The following PDE8B variants were observed in gnomAD, a reference collection of about 807,000 sequenced individuals.
PDE8B encodes the protein high affinity cAMP-specific and IBMX-insensitive 3',5'-cyclic phosphodiesterase 8B.
In PDE8B, 26 loss-of-function variants were observed where a neutral mutation model predicts 101.3. That is an observed-to-expected ratio of 0.26 (90% CI 0.19 to 0.36). The LOEUF is 0.36. Among genes scored for constraint, PDE8B ranks in the 10% least tolerant of loss-of-function variants. The pLI is 1.00. For synonymous variants in PDE8B, 424 were observed against 429.3 expected (o/e 0.99, Z 0.15); for missense variants, 810 against 1,163.1 (o/e 0.70, Z 4.42).
intron 17 of PDE8B, among the ~76,000 whole-genome samples, chr5:77,414,769 G>A (rs1174524849): frequency 2.6e-5 from 4 of 152,182 alleles, no homozygotes; most frequent in African/African-American, 9.6e-5. Flanking sequence ...TTTCACAGCT[G>A]AAGCCACATG....
At chr5:77,392,267 G>A (rs991154504) in intron 10 of PDE8B, among the ~76,000 whole-genome samples, 4 of 152,170 alleles carry the variant, frequency 2.6e-5, no homozygotes, top group Admixed American at 2.6e-4. Flanking sequence ...GCAGCGGACA[G>A]GCCTATGCAG....
At chr5:77,388,542 A>G (rs1361756295) in intron 10 of PDE8B, among the ~76,000 whole-genome samples, 3 of 152,176 alleles carry the variant, frequency 2.0e-5, no homozygotes, top group Non-Finnish European at 4.4e-5. Flanking sequence ...GTCAGGATAC[A>G]TGGGGGTCAG....
At chr5:77,409,150 G>A (rs1794057813) in intron 14 of PDE8B, 93 bp downstream of exon 14, 4 of 1,058,886 alleles carry the variant, frequency 3.8e-6, no homozygotes, top group African/African-American at 1.6e-5. Flanking sequence ...GGTTGCAGAA[G>A]TACCTGTTAT....
intron 1 of PDE8B, among the ~76,000 whole-genome samples, chr5:77,281,961 G>A (rs190249770): frequency 6.6e-6 from 1 of 152,252 alleles, no homozygotes; most frequent in Non-Finnish European, 1.5e-5. Context: ...GGTGTTGGTG[G>A]CAGCTAATAC....
the PDE8B span, chr5:77,114,666 A>G: frequency 1.3e-5 from 2 of 152,408 alleles, no homozygotes; most frequent in South Asian, 2.1e-4. Flanking sequence ...TATATTAAAA[A>G]AAAAGATTTA....
intron 10 of PDE8B, among the ~76,000 whole-genome samples, chr5:77,370,435 T>C (rs1371842155): frequency 6.6e-6 from 1 of 152,244 alleles, no homozygotes; most frequent in East Asian, 1.9e-4. Context: ...GTGGAAGGCT[T>C]CTTTCAGTCA....
At chr5:77,390,733 T>C (rs1378924412) in intron 10 of PDE8B, among the ~76,000 whole-genome samples, 1 of 152,222 alleles carries the variant, frequency 6.6e-6, no homozygotes, top group African/African-American at 2.4e-5. Context: ...GGTGTTTCCT[T>C]GACCCCAGTT....
At chr5:77,380,049 A>G (rs1787156843) in intron 10 of PDE8B, among the ~76,000 whole-genome samples, 1 of 152,258 alleles carries the variant, frequency 6.6e-6, no homozygotes, top group African/African-American at 2.4e-5. Flanking sequence ...GTTTAAAGCT[A>G]CAGTGATTAT....
intron 20 of PDE8B, 53 bp from the exon 21 acceptor site, chr5:77,425,714 T>C: frequency 6.3e-7 from 1 of 1,586,010 alleles, no homozygotes; most frequent in South Asian, 1.1e-5. Context: ...AGGATATTAC[T>C]GTGAAAGTGT....
chr5:77,346,177 A>G (rs1280170990), intron 7 of PDE8B, among the ~76,000 whole-genome samples: 2 of 152,210 alleles, frequency 1.3e-5, no homozygotes, highest in Non-Finnish European at 2.9e-5. Context: ...TATTGTTAGA[A>G]TATGTTTTAT....
chr5:77,404,852 G>T, intron 12 of PDE8B, 55 bp downstream of exon 12: 1 of 1,145,530 alleles, frequency 8.7e-7, no homozygotes, highest in South Asian at 1.2e-5. Context: ...AATGATGGAA[G>T]AATATGTTAA....
the PDE8B span, among the ~76,000 whole-genome samples, chr5:77,120,352 A>G: frequency 6.6e-6 from 1 of 152,214 alleles, no homozygotes; most frequent in African/African-American, 2.4e-5. Context: ...ATGTCAATGT[A>G]CTTTTCAAAA....
chr5:77,105,040 A>T, the PDE8B span: 1 of 152,120 alleles, frequency 6.6e-6, no homozygotes, highest in African/African-American at 2.4e-5. Context: ...AGAATTTTGT[A>T]TAGAGGGAAT....
intron 2 of PDE8B, among the ~76,000 whole-genome samples, chr5:77,318,869 T>C (rs907143131): frequency 2.0e-5 from 3 of 152,194 alleles, no homozygotes; most frequent in Non-Finnish European, 4.4e-5. Context: ...TGGTAGACAT[T>C]GACAATCCAT....
chr5:77,160,884 C>T, the PDE8B span, among the ~76,000 whole-genome samples: 1 of 152,096 alleles, frequency 6.6e-6, no homozygotes, highest in Non-Finnish European at 1.5e-5. Context: ...AACTTCTAGT[C>T]TCAAGTGATC....
chr5:77,311,240 T>C (rs374005510), intron 1 of PDE8B, among the ~76,000 whole-genome samples: 2 of 152,254 alleles, frequency 1.3e-5, no homozygotes, highest in South Asian at 2.1e-4. Context: ...CTCAGTAAAG[T>C]AATTAAAAAT....
In PDE8B at chr5:77,402,096, G is replaced by T. The variant is rs560718765; in HGVS notation, c.1210+1806G>T. 1.2e-4 allele frequency among the ~76,000 whole-genome samples: 18 copies of T among 152,056 alleles called. No homozygotes were observed. The South Asian group carries it at 1.5e-3, about 12-fold the overall frequency. On this transcript the variant is annotated intron_variant, in intron 11 of 21. Transcript: ENST00000264917. ...TAAGTTAGATTTAACTTATTACTTG[G>T]TACACAAATAAATGCTAGGACTGTA...
intron 1 of PDE8B, among the ~76,000 whole-genome samples, chr5:77,264,379 C>T (rs1168866427): frequency 6.6e-6 from 1 of 152,320 alleles, no homozygotes; most frequent in African/African-American, 2.4e-5. Flanking sequence ...ATATTCCCAT[C>T]AACAATATAT....
chr5:77,247,860 C>T (rs531644665), intron 1 of PDE8B, among the ~76,000 whole-genome samples: 97 of 152,314 alleles, frequency 6.4e-4, no homozygotes, highest in Non-Finnish European at 7.6e-4. Context: ...TCCCCTCACC[C>T]TTAGGCCACA....
Sources: gnomAD v4.1 joint callset for allele counts (sites outside exome capture counted in the v4.1 genomes callset) on GRCh38, gnomAD v4.1.1 for gene constraint, MANE v1.5 for transcripts, NCBI Gene and HGNC (gene_info 2026-07-23, HGNC 2026-07-21) for gene names.